The following MAP3K4 variants were observed in gnomAD, a reference collection of about 807,000 sequenced individuals.
The protein encoded by MAP3K4 is MAP three kinase 1.
MAP3K4 carries 67 observed loss-of-function variants against 185.6 expected under a neutral mutation model. The ratio of observed to expected loss-of-function variants is 0.36; its 90% CI spans 0.30 to 0.44. The LOEUF is 0.44. MAP3K4 is among the 20% of genes least tolerant of loss of function. The pLI, the probability that MAP3K4 is intolerant of heterozygous loss-of-function variation, is 1.00. For synonymous variants in MAP3K4, 702 were observed against 710.4 expected (o/e 0.99, Z 0.19); for missense variants, 1,551 against 1,995.1 (o/e 0.78, Z 4.24).
chr6:161,046,903 A>G (rs1009946230), intron 2 of MAP3K4, among the ~76,000 whole-genome samples: 2 of 148,366 alleles, frequency 1.3e-5, no homozygotes, highest in African/African-American at 2.5e-5. Context: ...GATATTATAT[A>G]CTAAGAAAAT....
intron 1 of MAP3K4, among the ~76,000 whole-genome samples, chr6:161,033,442 G>T (rs1196715989): frequency 6.6e-6 from 1 of 152,184 alleles, no homozygotes; most frequent in Non-Finnish European, 1.5e-5. Context: ...CAGGGATAGA[G>T]AATTGGCAGG....
At chr6:161,025,621 A>T (rs563245067) in intron 1 of MAP3K4, among the ~76,000 whole-genome samples, 2 of 152,340 alleles carry the variant, frequency 1.3e-5, no homozygotes, top group African/African-American at 4.8e-5. Context: ...CCCTACAGAG[A>T]TGGTTCTTCA....
chr6:161,089,942 A>G (rs9364587), intron 11 of MAP3K4, among the ~76,000 whole-genome samples: 9,479 of 152,264 alleles, frequency 0.062, 516 homozygotes, highest in East Asian at 0.31. Context: ...TTCAAAGTTT[A>G]TGACAAGCCC....
rs73026079 is a variant in MAP3K4, at chr6:161,100,054, G to A, written c.3674+1627G>A. 7.1e-3 allele frequency among the ~76,000 whole-genome samples: 1,075 copies of A among 152,282 alleles called. 6 individuals carry two copies. Among genetic ancestry groups the A allele is most frequent in the Non-Finnish European group, 9.8e-3 (665 of 68,030 alleles). ...CAGGATTCCCGTTTACTTTATGACC[G>A]TCTGTGTGTGTGAGATGGTAGGTAG... On this transcript the variant is annotated intron_variant, in intron 17 of 26. Coordinates refer to ENST00000392142, the MANE Select transcript of MAP3K4 (RefSeq NM_005922.4). This position sits in a 1 kb window ranked among gnomAD's most constrained non-coding sequence, Gnocchi z 5.8.
chr6:161,030,736 A>T (rs1782888715), intron 1 of MAP3K4, among the ~76,000 whole-genome samples: 1 of 152,148 alleles, frequency 6.6e-6, no homozygotes, highest in African/African-American at 2.4e-5. Flanking sequence ...GATAGGATGG[A>T]AAACGTTGTG....
intron 1 of MAP3K4, 162 bp downstream of exon 1, chr6:160,992,245 G>A: frequency 9.9e-6 from 10 of 1,007,054 alleles, no homozygotes; most frequent in Non-Finnish European, 1.4e-5. Context: ...TGGGTCCCAG[G>A]GGACCGCGTC....
intron 1 of MAP3K4, among the ~76,000 whole-genome samples, chr6:161,031,923 G>C (rs1782950343): frequency 6.6e-6 from 1 of 152,210 alleles, no homozygotes; most frequent in South Asian, 2.1e-4. Flanking sequence ...AAGAGATTTT[G>C]TTTGCTATTT....
chr6:161,044,641 G>A (rs1292610237), intron 2 of MAP3K4, among the ~76,000 whole-genome samples: 1 of 152,212 alleles, frequency 6.6e-6, no homozygotes, highest in Non-Finnish European at 1.5e-5. Context: ...TACTCTCTGT[G>A]TCAGTCCATT....
intron 1 of MAP3K4, among the ~76,000 whole-genome samples, chr6:161,009,566 A>T (rs1781753845): frequency 6.6e-6 from 1 of 152,108 alleles, no homozygotes; most frequent in Non-Finnish European, 1.5e-5. Flanking sequence ...GGGGTGTCAG[A>T]GCTTTCTTCC....
chr6:161,066,620 T>C (rs1434519597), intron 3 of MAP3K4, among the ~76,000 whole-genome samples: 1 of 152,224 alleles, frequency 6.6e-6, no homozygotes, highest in Non-Finnish European at 1.5e-5. Flanking sequence ...TCGGTATTAA[T>C]TGAGCCCAGC....
chr6:161,045,990 A>T (rs1783713500), intron 2 of MAP3K4, among the ~76,000 whole-genome samples: 1 of 152,176 alleles, frequency 6.6e-6, no homozygotes, highest in South Asian at 2.1e-4. Flanking sequence ...ATATCTGTAC[A>T]TACTAATAAT....
chr6:161,112,083 A>AAGGACC lies in MAP3K4; in HGVS notation c.4519+127_4519+132dup. On this transcript the variant is annotated intron_variant, in intron 24 of 26. Transcript: ENST00000392142. The surrounding 1 kb of genome is among the most constrained non-coding windows in gnomAD (Gnocchi z 5.1). ...GCAGGTAAAGGTTTTCAGTCGTGAGAAGGACCACTTCCTCACACACTTGGG... is the reference window on the plus strand; with the variant it reads ...GCAGGTAAAGGTTTTCAGTCGTGAGAAGGACCAGGACCACTTCCTCACACACTTGGG... The AAGGACC allele has an allele frequency of 1.6e-6, 2 of 1,269,886 alleles. No individual in the cohort carries two copies. The highest frequency in any genetic ancestry group is 2.2e-6 in the Non-Finnish European group (2 of 929,696). 78.7% of individuals were successfully genotyped at this position (1,269,886 alleles called of 1,614,324 possible).
At chr6:161,029,074 CCT>C (rs1265483563) in intron 1 of MAP3K4, among the ~76,000 whole-genome samples, 2 of 152,190 alleles carry the variant, frequency 1.3e-5, no homozygotes, top group East Asian at 3.8e-4. Context: ...CTATGTCCCT[CCT>C]CTCTTTCCCC....
intron 3 of MAP3K4, among the ~76,000 whole-genome samples, chr6:161,062,504 G>A (rs1312984886): frequency 6.6e-6 from 1 of 152,140 alleles, no homozygotes; most frequent in African/African-American, 2.4e-5. Flanking sequence ...AGTCATTCTG[G>A]TTGAGTGACA....
At position 161,089,330 on chromosome 6, in the gene MAP3K4, T is replaced by C. The variant is rs777589683; in HGVS notation, c.2832T>C (p.Asn944=). The part of the protein sequence containing the change: ...VDTLRSMQVD[N]LLLVVMQSAH... ...CTTGATTTTCCTCCCAGGTGGATAA[T>C]CTTTTACTAGTTGTCATGCAGTCTG... The change falls in exon 11 of 27, where the codon AAT becomes AAC. Residue 944 remains asparagine (N), a synonymous_variant. Coordinates refer to ENST00000392142, the MANE Select transcript of MAP3K4 (RefSeq NM_005922.4). 1.2e-6 allele frequency: 2 copies of C among 1,613,486 alleles called. No homozygotes were observed. The highest frequency in any genetic ancestry group is 1.7e-6 in the Non-Finnish European group (2 of 1,179,892).
Position 161,098,981 on chromosome 6 carries a change from A to G in MAP3K4, c.3674+554A>G, listed in dbSNP as rs1777710158. Among the ~76,000 whole-genome samples, 1 of 152,254 alleles carries G rather than the reference A, an allele frequency of 6.6e-6. No homozygotes were observed. The highest frequency in any genetic ancestry group is 6.5e-5 in the Admixed American group (1 of 15,288). ...TCTCAGACAACTTGGCAAGCCCCAG[A>G]ACAATTAAGTCTCGCATTGTCTTTT... On this transcript the variant is annotated intron_variant, in intron 17 of 26. Coordinates refer to ENST00000392142, the MANE Select transcript of MAP3K4 (RefSeq NM_005922.4). The surrounding 1 kb of genome is among the most constrained non-coding windows in gnomAD (Gnocchi z 4.4).
rs1784868411 is a variant in MAP3K4, at chr6:161,070,008, G to A, written c.1708-600G>A. Reference sequence around the variant, plus strand: ...GTGGGGGCGGACAACGCAACACTAGGGTTCCCGGGAAGCATCACAAAACGG... The same window carrying A: ...GTGGGGGCGGACAACGCAACACTAGAGTTCCCGGGAAGCATCACAAAACGG... On this transcript the variant is annotated intron_variant, in intron 3 of 26. Coordinates refer to ENST00000392142, the MANE Select transcript of MAP3K4 (RefSeq NM_005922.4). This position sits in a 1 kb window ranked among gnomAD's most constrained non-coding sequence, Gnocchi z 4.5. Among the ~76,000 whole-genome samples, 3 of 152,094 alleles carry A rather than the reference G, an allele frequency of 2.0e-5. No homozygotes were observed. The highest frequency in any genetic ancestry group is 2.1e-4 in the South Asian group (1 of 4,816).
At chr6:161,009,424 G>A (rs1425991882) in intron 1 of MAP3K4, among the ~76,000 whole-genome samples, 6 of 151,956 alleles carry the variant, frequency 3.9e-5, no homozygotes, top group Non-Finnish European at 5.9e-5. Flanking sequence ...CATCTACCCC[G>A]GTAAACACTG....
chr6:161,014,341 C>T (rs898538603), intron 1 of MAP3K4, among the ~76,000 whole-genome samples: 6 of 152,266 alleles, frequency 3.9e-5, no homozygotes, highest in African/African-American at 1.4e-4. Context: ...AATGTAGAAC[C>T]TGTCATAAAA....
Sources: gnomAD v4.1 joint callset for allele counts (sites outside exome capture counted in the v4.1 genomes callset) on GRCh38, gnomAD v4.1.1 for gene constraint, Gnocchi (gnomAD v3.1) non-coding constraint, MANE v1.5 for transcripts, NCBI Gene and HGNC (gene_info 2026-07-23, HGNC 2026-07-21) for gene names.